The following STARD13 variants were observed in gnomAD, a reference collection of about 807,000 sequenced individuals.
STARD13 encodes the protein StAR related lipid transfer domain containing 13.
STARD13 carries 62 observed loss-of-function variants against 106.4 expected under a neutral mutation model. The observed-to-expected ratio is 0.58, with a 90% CI of 0.48 to 0.72. The LOEUF (loss-of-function observed/expected upper bound fraction) is 0.72. STARD13 is among the 30% of genes least tolerant of loss of function. The pLI, the probability that STARD13 is intolerant of heterozygous loss-of-function variation, is 0.00. For synonymous variants in STARD13, 565 were observed against 553.0 expected, an observed-to-expected ratio of 1.02 and a Z score of -0.31; for missense variants, 1,387 against 1,424.0, an observed-to-expected ratio of 0.97 and a Z score of 0.42.
chr13:33,655,683 A>G, the STARD13 span, among the ~76,000 whole-genome samples: 1 of 152,128 alleles, frequency 6.6e-6, no homozygotes, highest in Non-Finnish European at 1.5e-5. Context: ...TCCATCTTTG[A>G]CTCCCAAGAA....
At chr13:33,133,098 G>GC (rs1878550424) in intron 4 of STARD13, among the ~76,000 whole-genome samples, 2 of 152,142 alleles carry the variant, frequency 1.3e-5, no homozygotes, top group Non-Finnish European at 1.5e-5. Flanking sequence ...AGAAAATATA[G>GC]ATATTTTAAA....
intron 1 of STARD13, chr13:33,333,902 G>A (rs2077865192): frequency 6.6e-6 from 1 of 152,142 alleles, no homozygotes; most frequent in Non-Finnish European, 1.5e-5. Context: ...ACTTGAAGTT[G>A]GGCTGTAATC....
At chr13:33,292,271 A>G (rs1205713526) in intron 1 of STARD13, among the ~76,000 whole-genome samples, 1 of 152,142 alleles carries the variant, frequency 6.6e-6, no homozygotes, top group Non-Finnish European at 1.5e-5. Context: ...ACAGTGGTCA[A>G]GATAAATACA....
chr13:33,165,444 A>G (rs779488357), intron 2 of STARD13, 26 bp from the exon 3 acceptor site: 18 of 1,576,608 alleles, frequency 1.1e-5, no homozygotes, highest in Non-Finnish European at 1.6e-5. Context: ...AAAGAAGTTG[A>G]TGTACTTTGT....
At chr13:33,588,607 CTG>C in the STARD13 span, among the ~76,000 whole-genome samples, 1 of 152,118 alleles carries the variant, frequency 6.6e-6, no homozygotes, top group African/African-American at 2.4e-5. Flanking sequence ...AAGAAGGTGA[CTG>C]TTTCTTTTTC....
intron 1 of STARD13, among the ~76,000 whole-genome samples, chr13:33,260,724 A>G (rs969495879): frequency 6.6e-6 from 1 of 152,202 alleles, no homozygotes; most frequent in Non-Finnish European, 1.5e-5. Context: ...TGAAACCAAA[A>G]TTTACCTTAC....
chr13:33,284,650 C>T (rs1891965706), intron 1 of STARD13, among the ~76,000 whole-genome samples: 1 of 151,308 alleles, frequency 6.6e-6, no homozygotes, highest in Non-Finnish European at 1.5e-5. Flanking sequence ...TGACTGTAAA[C>T]GTGTGTGTTA....
chr13:33,238,257 G>C (rs1889293379), intron 1 of STARD13, among the ~76,000 whole-genome samples: 1 of 152,132 alleles, frequency 6.6e-6, no homozygotes, highest in South Asian at 2.1e-4. Flanking sequence ...TCCCTGGCTA[G>C]TTTCAATGGC....
chr13:33,417,110 C>T, the STARD13 span, among the ~76,000 whole-genome samples: 1 of 152,132 alleles, frequency 6.6e-6, no homozygotes, highest in Admixed American at 6.6e-5. Context: ...GACCAATAGG[C>T]ACACAAAAAG....
chr13:33,221,582 A>T (rs1280031876), intron 1 of STARD13, among the ~76,000 whole-genome samples: 1 of 152,012 alleles, frequency 6.6e-6, no homozygotes, highest in Admixed American at 6.6e-5. Context: ...TGTTCGGCCA[A>T]CTCAGCTCCT....
chr13:33,370,804 T>C, the STARD13 span, among the ~76,000 whole-genome samples: 2 of 151,770 alleles, frequency 1.3e-5, no homozygotes, highest in African/African-American at 2.4e-5. Flanking sequence ...GTATTTTTAG[T>C]AGAGACGGGT....
At chr13:33,619,629 A>G in the STARD13 span, among the ~76,000 whole-genome samples, 1 of 152,236 alleles carries the variant, frequency 6.6e-6, no homozygotes, top group African/African-American at 2.4e-5. Flanking sequence ...AAAGAATACT[A>G]AAAATTTTTG....
intron 1 of STARD13, among the ~76,000 whole-genome samples, chr13:33,320,535 C>A (rs3848096): frequency 0.58 from 88,324 of 152,128 alleles, 28,132 homozygotes; most frequent in East Asian, 0.94. Flanking sequence ...CTGAAGATGA[C>A]TCCTATGTTT....
At chr13:33,185,769 T>C (rs2138476749) in intron 1 of STARD13, 2 of 1,041,236 alleles carry the variant, frequency 1.9e-6, no homozygotes, top group East Asian at 2.4e-5. Context: ...CTTTCCGCCA[T>C]GTCCTTCCAG....
chr13:33,197,257 C>T (rs1886692010), intron 1 of STARD13, among the ~76,000 whole-genome samples: 1 of 152,196 alleles, frequency 6.6e-6, no homozygotes, highest in Non-Finnish European at 1.5e-5. Context: ...TTCAGCACAC[C>T]TATTACCAAT....
chr13:33,267,235 A>C (rs939632349), intron 1 of STARD13, among the ~76,000 whole-genome samples: 1 of 152,214 alleles, frequency 6.6e-6, no homozygotes, highest in Non-Finnish European at 1.5e-5. Flanking sequence ...AGGAAGACAC[A>C]TAAAAGGGCA....
Position 33,130,406 on chromosome 13 carries a change from G to C in STARD13, c.388-117C>G. ...ACCTCCCTCCCCTCTGTCCTCCCAT[G>C]CACAGGTGTGAGCTTCTTGGGCACC... is the stretch of plus-strand genomic sequence containing the variant. On this transcript the variant is annotated intron_variant, in intron 4 of 13. Transcript: ENST00000336934. The surrounding 1 kb of genome is among the most constrained non-coding windows in gnomAD (Gnocchi z 4.1). 1.0e-6 allele frequency: 1 copy of C among 973,168 alleles called. No homozygotes were observed. 60.3% of individuals were successfully genotyped at this position (973,168 alleles called of 1,614,324 possible).
the STARD13 span, among the ~76,000 whole-genome samples, chr13:33,553,583 C>CT: frequency 0.024 from 3,378 of 140,308 alleles, 115 homozygotes; most frequent in African/African-American, 0.076. Flanking sequence ...AAACTAAGCA[C>CT]TTTTTTTTTT....
the STARD13 span, among the ~76,000 whole-genome samples, chr13:33,545,229 G>A: frequency 3.3e-5 from 5 of 152,168 alleles, no homozygotes; most frequent in Admixed American, 3.3e-4. Context: ...CAAAGTGCTG[G>A]GATTACAGGT....
Sources: gnomAD v4.1 joint callset for allele counts (sites outside exome capture counted in the v4.1 genomes callset) on GRCh38, gnomAD v4.1.1 for gene constraint, Gnocchi (gnomAD v3.1) non-coding constraint, MANE v1.5 for transcripts, NCBI Gene and HGNC (gene_info 2026-07-23, HGNC 2026-07-21) for gene names.